The following SNTB1 variants were observed in gnomAD, a reference collection of about 807,000 sequenced individuals.
SNTB1 encodes the protein beta-1-syntrophin.
SNTB1 carries 36 observed loss-of-function variants against 48.9 expected under a neutral mutation model. That is an observed-to-expected ratio of 0.74 (90% CI 0.56 to 0.97). The LOEUF is 0.97. SNTB1 is among the 50% of genes least tolerant of loss of function. The pLI is 0.00. For missense variants in SNTB1, 786 were observed against 703.4 expected (o/e 1.12, Z -1.33); for synonymous variants, 299 against 294.6 (o/e 1.01, Z -0.15).
chr8:120,672,742 A>C (rs914815153), intron 2 of SNTB1, among the ~76,000 whole-genome samples: 1 of 152,230 alleles, frequency 6.6e-6, no homozygotes, highest in Non-Finnish European at 1.5e-5. Context: ...ATTGTGTACT[A>C]GGAAGTAAAG....
chr8:120,586,066 C>G (rs900629025), intron 3 of SNTB1, among the ~76,000 whole-genome samples: 2 of 152,206 alleles, frequency 1.3e-5, no homozygotes, highest in Admixed American at 6.5e-5. Flanking sequence ...AACCACAGAA[C>G]CTTCTAGAAA....
intron 3 of SNTB1, among the ~76,000 whole-genome samples, chr8:120,620,513 T>C (rs1431179659): frequency 6.6e-6 from 1 of 152,070 alleles, no homozygotes; most frequent in Non-Finnish European, 1.5e-5. Context: ...TCCCACATAT[T>C]CATTCGATAA....
At chr8:120,593,221 C>T (rs1220346042) in intron 3 of SNTB1, among the ~76,000 whole-genome samples, 1 of 152,168 alleles carries the variant, frequency 6.6e-6, no homozygotes, top group East Asian at 1.9e-4. Context: ...ATATTCAAAA[C>T]ATTTAACAAC....
intron 1 of SNTB1, among the ~76,000 whole-genome samples, chr8:120,806,245 T>C (rs1278950194): frequency 6.6e-6 from 1 of 152,196 alleles, no homozygotes; most frequent in African/African-American, 2.4e-5. Context: ...TGCTGGCATT[T>C]AGTGAAGGAA....
chr8:120,693,329 A>G (rs1032540937), intron 2 of SNTB1, among the ~76,000 whole-genome samples: 1 of 152,166 alleles, frequency 6.6e-6, no homozygotes, highest in Non-Finnish European at 1.5e-5. Context: ...AGTTCTCACA[A>G]CCAAACAAGG....
At chr8:120,768,727 A>C (rs1266293906) in intron 1 of SNTB1, 4 of 152,170 alleles carry the variant, frequency 2.6e-5, no homozygotes, top group Admixed American at 2.6e-4. Flanking sequence ...GTTACTCTGG[A>C]AACGTGGTGA....
chr8:120,643,310 G>A (rs1301499478), intron 2 of SNTB1, among the ~76,000 whole-genome samples: 1 of 152,206 alleles, frequency 6.6e-6, no homozygotes, highest in African/African-American at 2.4e-5. Flanking sequence ...GGAACAGGTG[G>A]TTTTTGGTTA....
At chr8:120,673,628 C>G (rs1336409602) in intron 2 of SNTB1, among the ~76,000 whole-genome samples, 1 of 151,950 alleles carries the variant, frequency 6.6e-6, no homozygotes, top group African/African-American at 2.4e-5. Context: ...TCTGCTTGGG[C>G]TATGATGGAC....
At position 120,811,499 on chromosome 8, in the gene SNTB1, C is replaced by A; in HGVS notation, c.345G>T (p.Val115=). Residue 115 remains valine (V), a synonymous_variant, in exon 1 of 7, where the codon GTG becomes GTT. Transcript: ENST00000517992. ...CCAGCCCGCCCAGCTCCTGCTTCAG[C>A]ACCTTCACGCCACGCTTCTGGTTCG... ...SISNQKRGVK[V]LKQELGGLGI... 1.9e-6 allele frequency: 3 copies of A among 1,613,780 alleles called. No individual in the cohort carries two copies. The highest frequency in any genetic ancestry group is 2.5e-6 in the Non-Finnish European group (3 of 1,179,844).
intron 3 of SNTB1, among the ~76,000 whole-genome samples, chr8:120,584,576 TTCTC>T (rs1334721250): frequency 1.3e-5 from 2 of 151,844 alleles, no homozygotes. Flanking sequence ...AGGGAAAGAA[TTCTC>T]TCTATCAAGG....
In SNTB1 at chr8:120,717,124, A is replaced by G. The variant is rs568996118; in HGVS notation, c.572-23216T>C. On this transcript the variant is annotated intron_variant, in intron 1 of 6. Coordinates refer to ENST00000517992, the MANE Select transcript of SNTB1 (RefSeq NM_021021.4). ...GTGGTTCAGACTTCCTCTGCAAACT[A>G]ATCATAGGCTTGTAGGAGGCTGCCC... is the stretch of plus-strand genomic sequence containing the variant. Among the ~76,000 whole-genome samples, 8 of 152,308 alleles carry G rather than the reference A, an allele frequency of 5.3e-5. No individual in the cohort carries two copies. The South Asian group carries it at 1.7e-3, about 32-fold the overall frequency.
At chr8:120,632,688 T>C (rs376698898) in intron 2 of SNTB1, 37 bp from the exon 3 acceptor site, 1 of 1,572,732 alleles carries the variant, frequency 6.4e-7, no homozygotes, top group African/African-American at 1.3e-5. Flanking sequence ...GAAAGTTTCC[T>C]GGCAGGTCCT....
At chr8:120,609,073 G>C (rs1325476584) in intron 3 of SNTB1, among the ~76,000 whole-genome samples, 1 of 152,112 alleles carries the variant, frequency 6.6e-6, no homozygotes, top group Non-Finnish European at 1.5e-5. Context: ...TTAGATTTTA[G>C]GTCACATATG....
chr8:120,562,506 G>T (rs558939637), intron 4 of SNTB1, among the ~76,000 whole-genome samples: 2 of 152,278 alleles, frequency 1.3e-5, no homozygotes, highest in African/African-American at 4.8e-5. Flanking sequence ...AAATGGGATG[G>T]CTGGGTGTGG....
chr8:120,719,675 G>A (rs923785475), intron 1 of SNTB1, among the ~76,000 whole-genome samples: 1 of 152,162 alleles, frequency 6.6e-6, no homozygotes, highest in Admixed American at 6.5e-5. Flanking sequence ...AGCAGAACCC[G>A]AGACAAGGAC....
chr8:120,679,609 G>A (rs796147144), intron 2 of SNTB1, among the ~76,000 whole-genome samples: 7 of 152,264 alleles, frequency 4.6e-5, no homozygotes, highest in African/African-American at 1.7e-4. Flanking sequence ...TCTTTCAAAT[G>A]TATCTAACTA....
chr8:120,560,162 C>T (rs1342666022), intron 4 of SNTB1, among the ~76,000 whole-genome samples: 1 of 152,170 alleles, frequency 6.6e-6, no homozygotes, highest in Non-Finnish European at 1.5e-5. Context: ...AGTAGCCAAT[C>T]AATTGCCTCA....
chr8:120,665,186 T>TGAGTCTA (rs1817654375), intron 2 of SNTB1, among the ~76,000 whole-genome samples: 1 of 152,182 alleles, frequency 6.6e-6, no homozygotes, highest in African/African-American at 2.4e-5. Context: ...GCATGGTGGC[T>TGAGTCTA]TACACCTGTA....
At chr8:120,808,990 T>C (rs1333714926) in intron 1 of SNTB1, among the ~76,000 whole-genome samples, 1 of 152,094 alleles carries the variant, frequency 6.6e-6, no homozygotes, top group Non-Finnish European at 1.5e-5. Context: ...TTTCAAAGCC[T>C]CTCCTATGTA....
Sources: allele counts gnomAD v4.1 joint callset (sites outside exome capture counted in the v4.1 genomes callset), GRCh38; gene constraint gnomAD v4.1.1; transcripts MANE v1.5; gene names NCBI Gene and HGNC (gene_info 2026-07-23, HGNC 2026-07-21).